Variants in TMPRSS9 observed in about 807,000 individuals in gnomAD.
The protein encoded by TMPRSS9 is transmembrane serine protease 9.
Under a neutral mutation model 111.4 loss-of-function variants are expected in TMPRSS9, and 113 were observed. The ratio of observed to expected loss-of-function variants is 1.01; its 90% CI spans 0.87 to 1.19. TMPRSS9 has a LOEUF of 1.19. Ranked by LOEUF, TMPRSS9 falls within the 50% of genes most tolerant of loss-of-function variation. The probability of loss-of-function intolerance (pLI) is 0.00; values close to 1 mark genes in which losing one functional copy is unlikely to be tolerated. For synonymous variants in TMPRSS9, 805 were observed against 659.1 expected (o/e 1.22, Z -3.39); for missense variants, 1,803 against 1,513.1 (o/e 1.19, Z -3.18).
intron 1 of TMPRSS9, among the ~76,000 whole-genome samples, chr19:2,364,978 C>CA (rs74649862): frequency 0.17 from 22,317 of 133,212 alleles, 2,282 homozygotes; most frequent in African/African-American, 0.3. Context: ...GACTCCATCT[C>CA]AAAAAAAAAA....
At chr19:2,389,764 G>C (rs375618486) in exon 1 of TMPRSS9, 2 of 1,601,622 alleles carry the variant, frequency 1.2e-6, no homozygotes, top group African/African-American at 1.3e-5. Context: ...CATCCAGCTC[G>C]CTGTCTGCGT....
intron 2 of TMPRSS9, among the ~76,000 whole-genome samples, chr19:2,397,620 A>C (rs1568178466): frequency 1.3e-5 from 2 of 152,132 alleles, no homozygotes; most frequent in Non-Finnish European, 2.9e-5. Context: ...ATCACGTATT[A>C]AAAACAGCAC....
rs570660795 is a variant in TMPRSS9, at chr19:2,397,006, C to T, written c.270+340C>T. Among the ~76,000 whole-genome samples, 30 of 151,312 alleles carry T rather than the reference C, an allele frequency of 2.0e-4. No individual in the cohort carries two copies. The East Asian group carries it at 2.2e-3, about 11-fold the overall frequency. On this transcript the variant is annotated intron_variant, in intron 2 of 17. Transcript: ENST00000648592. ...AATGATCTCGGCTCACTGCAAGCTC[C>T]GCTGCTCAGGTTCAAGCGATTCTCC...
chr19:2,363,813 C>T (rs551133006), intron 1 of TMPRSS9, among the ~76,000 whole-genome samples: 1,241 of 112,830 alleles, frequency 0.011, 28 homozygotes, highest in African/African-American at 0.032. Context: ...TGCGTGCGCG[C>T]GTGTGTGTGT....
intron 1 of TMPRSS9, among the ~76,000 whole-genome samples, chr19:2,390,838 G>A (rs1386803977): frequency 1.3e-5 from 2 of 151,588 alleles, no homozygotes; most frequent in Non-Finnish European, 2.9e-5. Context: ...GGGTGACAGA[G>A]TGAGACTCTA....
chr19:2,422,253 G>A lies in TMPRSS9; in HGVS notation c.2548+6G>A, dbSNP rs201430963. 6.4e-5 allele frequency: 96 copies of A among 1,500,636 alleles called. No individual in the cohort carries two copies. The highest frequency in any genetic ancestry group is 2.1e-4 in the East Asian group (9 of 43,450). The allele number at this position is 1,500,636 out of a possible 1,614,324, so 93.0% of individuals were successfully genotyped here. Reference sequence around the variant, plus strand: ...CACACACACCCAGCTACCAGGTACCGGGAGAGACGGAGGGATCCCTGGGAG... The same window carrying A: ...CACACACACCCAGCTACCAGGTACCAGGAGAGACGGAGGGATCCCTGGGAG... On this transcript the variant is annotated splice_donor_region_variant and intron_variant, in intron 14 of 17. Transcript: ENST00000648592.
chr19:2,377,843 G>A (rs955378498), intron 1 of TMPRSS9, among the ~76,000 whole-genome samples: 9 of 145,890 alleles, frequency 6.2e-5, no homozygotes, highest in African/African-American at 2.3e-4. Context: ...CTCCTGAGTG[G>A]CTGGGACTAC....
At chr19:2,401,129 C>G (rs1173222776) in intron 4 of TMPRSS9, among the ~76,000 whole-genome samples, 1 of 151,868 alleles carries the variant, frequency 6.6e-6, no homozygotes, top group Non-Finnish European at 1.5e-5. Context: ...AAAAAATCAG[C>G]CGGGCGTGGT....
chr19:2,415,699 C>T lies in TMPRSS9; in HGVS notation c.1603C>T (p.Pro535Ser), dbSNP rs745512168. The T allele has an allele frequency of 2.5e-6, 4 of 1,605,192 alleles. No homozygotes were observed. The African/African-American group carries it at 4.0e-5, about 16-fold the overall frequency. ...TGGGGCCAGGCCTGCAATGGAGAAG[C>T]CCACCCGGGTCGTGGGCGGGTTCGG... is the stretch of plus-strand genomic sequence containing the variant. Residue 535 changes from proline to serine, a missense_variant, in exon 11 of 18, where the codon CCC becomes TCC. By Grantham distance (74) the Pro-to-Ser change is moderately conservative. Transcript: ENST00000648592.
chr19:2,370,644 A>C lies in TMPRSS9; in HGVS notation c.-26+10284A>C, dbSNP rs146671667. 3.8e-3 allele frequency among the ~76,000 whole-genome samples: 584 copies of C among 152,244 alleles called. 3 individuals carry two copies. The highest frequency in any genetic ancestry group is 0.014 in the African/African-American group (565 of 41,552). On this transcript the variant is annotated intron_variant, in intron 1 of 17. Coordinates refer to the TMPRSS9 transcript ENST00000649857. ...ACGCCCAGCCAGAAACTTGGGTTTAAAATGGACTTTGCATTATAATGAGAT... is the reference window on the plus strand; with the variant it reads ...ACGCCCAGCCAGAAACTTGGGTTTACAATGGACTTTGCATTATAATGAGAT...
At chr19:2,415,294 T>C (rs1055274901) in intron 10 of TMPRSS9, among the ~76,000 whole-genome samples, 4 of 152,062 alleles carry the variant, frequency 2.6e-5, no homozygotes, top group African/African-American at 9.7e-5. Flanking sequence ...CGAAACCCCC[T>C]AACAATCGTA....
intron 1 of TMPRSS9, among the ~76,000 whole-genome samples, chr19:2,376,542 C>T (rs968437651): frequency 2.0e-5 from 3 of 152,110 alleles, no homozygotes; most frequent in Non-Finnish European, 4.4e-5. Context: ...TCACTGCAAC[C>T]TCTGCCTCCC....
intron 12 of TMPRSS9, among the ~76,000 whole-genome samples, chr19:2,417,393 G>C (rs1485752108): frequency 6.6e-6 from 1 of 151,762 alleles, no homozygotes; most frequent in Non-Finnish European, 1.5e-5. Flanking sequence ...TTGAATCTGG[G>C]AGGCAGAGGC....
chr19:2,422,213 C>A (rs202025896), exon 14 of TMPRSS9: 1 of 1,524,718 alleles, frequency 6.6e-7, no homozygotes, highest in Non-Finnish European at 8.8e-7. Context: ...CATTTCCAGA[C>A]GCCCCGGAGG....
At chr19:2,412,005 A>T (rs1971106087) in intron 9 of TMPRSS9, among the ~76,000 whole-genome samples, 1 of 151,830 alleles carries the variant, frequency 6.6e-6, no homozygotes, top group Non-Finnish European at 1.5e-5. Flanking sequence ...TCTATATTCT[A>T]TATTTGTGGT....
chr19:2,401,025 A>T (rs1970829537), intron 4 of TMPRSS9, among the ~76,000 whole-genome samples: 1 of 151,152 alleles, frequency 6.6e-6, no homozygotes, highest in Non-Finnish European at 1.5e-5. Context: ...CTGTAATCCC[A>T]GCACTTTAGG....
intron 1 of TMPRSS9, among the ~76,000 whole-genome samples, chr19:2,378,280 C>A (rs1032459074): frequency 3.9e-5 from 6 of 152,142 alleles, no homozygotes; most frequent in African/African-American, 1.4e-4. Context: ...AGGGTGACAA[C>A]TGTCCTGGTT....
At chr19:2,366,247 C>T (rs535995701) in intron 1 of TMPRSS9, among the ~76,000 whole-genome samples, 10 of 147,698 alleles carry the variant, frequency 6.8e-5, no homozygotes, top group Admixed American at 2.7e-4. Flanking sequence ...CTCAGGCGGC[C>T]GAGGTGGGAG....
Position 2,381,059 on chromosome 19 carries a change from T to C in TMPRSS9, c.-25-8702T>C, listed in dbSNP as rs1970381624. ...TGCTTCTAGTTTTGAGCCATTCTTG[T>C]AGCATCATGTTAATGGATCTGGGCC... On this transcript the variant is annotated intron_variant, in intron 1 of 17. Transcript: ENST00000649857. Among the ~76,000 whole-genome samples the C allele has an allele frequency of 3.3e-5, 5 of 152,120 alleles. No homozygotes were observed. In the South Asian group the frequency reaches 1.0e-3, roughly 31 times the overall value.
Sources: allele counts gnomAD v4.1 joint callset (sites outside exome capture counted in the v4.1 genomes callset), GRCh38; gene constraint gnomAD v4.1.1; transcripts MANE v1.5; gene names NCBI Gene and HGNC (gene_info 2026-07-23, HGNC 2026-07-21).